The following ISCA1 variants were observed in gnomAD, a reference collection of about 807,000 sequenced individuals.
ISCA1 encodes the protein iron-sulfur cluster assembly 1 homolog, mitochondrial.
A neutral mutation model predicts 14.7 loss-of-function variants in ISCA1; 9 were observed. That is an observed-to-expected ratio of 0.61 (90% confidence interval 0.37 to 1.07). The LOEUF is 1.07. Ranked by LOEUF, ISCA1 falls within the 50% of genes least tolerant of loss-of-function variation. The pLI, the probability that ISCA1 is intolerant of heterozygous loss-of-function variation, is 0.01. For synonymous variants in ISCA1, 38 were observed against 54.3 expected (o/e 0.70, Z 1.32); for missense variants, 102 against 150.1 (o/e 0.68, Z 1.67).
chr9:86,271,724 T>C (rs1825370634), intron 3 of ISCA1, among the ~76,000 whole-genome samples: 1 of 152,210 alleles, frequency 6.6e-6, no homozygotes. Flanking sequence ...AAGAGCAGTC[T>C]CTGGAAAGAA....
Position 86,282,249 on chromosome 9 carries a change from G to C in ISCA1, c.81+129C>G, listed in dbSNP as rs560715891. ...AAGGAGGCGGCGAGGCTGTGCGGCG[G>C]GTCGGAGCGACGCCGAGGTCTGACG... is the stretch of plus-strand genomic sequence containing the variant. On this transcript the variant is annotated intron_variant, in intron 1 of 3. Coordinates refer to ENST00000375991, the MANE Select transcript of ISCA1 (RefSeq NM_030940.4). The C allele has an allele frequency of 6.0e-6, 6 of 999,300 alleles. No homozygotes were observed. In the South Asian group the frequency reaches 1.1e-4, roughly 18 times the overall value. The allele number at this position is 999,300 out of a possible 1,614,324, so 61.9% of individuals were successfully genotyped here. A position where few individuals can be genotyped will look rare whatever the true frequency, so the allele number is the denominator to read the frequency against.
chr9:86,274,852 TG>T, intron 1 of ISCA1, among the ~76,000 whole-genome samples: 1 of 152,130 alleles, frequency 6.6e-6, no homozygotes. Flanking sequence ...GAGATCTAGA[TG>T]AACAAAACTA....
At chr9:86,267,268 T>G in intron 3 of ISCA1, 1 of 795,722 alleles carries the variant, frequency 1.3e-6, no homozygotes, top group Non-Finnish European at 1.5e-6. Context: ...ACTTTCTTCC[T>G]TACAAGAAAT....
intron 1 of ISCA1, among the ~76,000 whole-genome samples, chr9:86,275,381 G>A (rs1317498550): frequency 6.6e-6 from 1 of 152,028 alleles, no homozygotes; most frequent in African/African-American, 2.4e-5. Flanking sequence ...TGGATATTAC[G>A]ACCTAAGACT....
intron 1 of ISCA1, chr9:86,282,123 CA>C (rs1373518684): frequency 1.5e-5 from 8 of 522,254 alleles, no homozygotes; most frequent in Non-Finnish European, 2.7e-5. Context: ...CTCCGGCCCG[CA>C]CGCGGTTGCC....
In ISCA1 at chr9:86,274,165, GAATA is replaced by G. The variant is rs1337889769; in HGVS notation, c.135+20_135+23del. On this transcript the variant is annotated intron_variant, in intron 2 of 3. Transcript: ENST00000375991. ...GAAAATGCAGCTTCAGTTTTTTACT[GAATA>G]ATTAACTGGTTTTACTTACATGCTC... The G allele has an allele frequency of 7.4e-7, 1 of 1,355,348 alleles. No homozygotes were observed. The highest frequency in any genetic ancestry group is 1.1e-6 in the Non-Finnish European group (1 of 947,658). The allele number at this position is 1,355,348 out of a possible 1,614,324, so 84.0% of individuals were successfully genotyped here.
At chr9:86,271,568 G>A (rs565741909) in intron 3 of ISCA1, among the ~76,000 whole-genome samples, 3 of 152,244 alleles carry the variant, frequency 2.0e-5, no homozygotes, top group South Asian at 2.1e-4. Context: ...TGCTCAACTC[G>A]TACTTATTTG....
intron 1 of ISCA1, 34 bp downstream of exon 1, chr9:86,282,344 G>A: frequency 6.5e-6 from 10 of 1,534,686 alleles, no homozygotes; most frequent in Non-Finnish European, 7.9e-6. Flanking sequence ...CACGAGCAAT[G>A]TCACGGGCCC....
In ISCA1 at chr9:86,265,865, A is replaced by G; in HGVS notation, c.*178T>C. ...GATCCAAAAAGAGTGATGGCTTCTC[A>G]TTTTCTGTCCCCTATAGAGAATATA... On this transcript the variant is annotated 3_prime_UTR_variant, in exon 4 of 4. Transcript: ENST00000375991. 3.0e-6 allele frequency: 3 copies of G among 1,008,056 alleles called. No individual in the cohort carries two copies. Among genetic ancestry groups the G allele is most frequent in the Non-Finnish European group, 4.6e-6 (3 of 650,722 alleles). The allele number at this position is 1,008,056 out of a possible 1,614,324, so 62.4% of individuals were successfully genotyped here. A position where few individuals can be genotyped will look rare whatever the true frequency, so the allele number is the denominator to read the frequency against.
chr9:86,269,623 C>T (rs1211713324), intron 3 of ISCA1, among the ~76,000 whole-genome samples: 2 of 151,886 alleles, frequency 1.3e-5, no homozygotes, highest in Non-Finnish European at 2.9e-5. Flanking sequence ...AAAAAAAACC[C>T]GCATCGCCAA....
In ISCA1 at chr9:86,265,892, A is replaced by G. The variant is rs1825286952; in HGVS notation, c.*151T>C. 8.2e-7 allele frequency: 1 copy of G among 1,221,776 alleles called. No individual in the cohort carries two copies. Among genetic ancestry groups the G allele is most frequent in the East Asian group, 2.3e-5 (1 of 43,056 alleles). 75.7% of individuals were successfully genotyped at this position (1,221,776 alleles called of 1,614,324 possible). On this transcript the variant is annotated 3_prime_UTR_variant, in exon 4 of 4. Transcript: ENST00000375991. Reference sequence around the variant, plus strand: ...TTTCTGTCCCCTATAGAGAATATAAATATCATTTCTTCTGGAATCCAACAC... The same window carrying G: ...TTTCTGTCCCCTATAGAGAATATAAGTATCATTTCTTCTGGAATCCAACAC...
At chr9:86,267,216 C>T in intron 3 of ISCA1, 3 of 539,976 alleles carry the variant, frequency 5.6e-6, no homozygotes, top group Non-Finnish European at 7.1e-6. Flanking sequence ...GAGAGCAAGA[C>T]TCTGTCTCAA....
In ISCA1 at chr9:86,264,617, G is replaced by A. The variant is rs979198134; in HGVS notation, c.*1426C>T. On this transcript the variant is annotated 3_prime_UTR_variant, in exon 4 of 4. Transcript: ENST00000375991. ...TCTCTACATACATACAGTGTTGCAC[G>A]AATTATAAGTGGATCAACAATTATA... 6.6e-6 allele frequency: 1 copy of A among 152,374 alleles called. No individual in the cohort carries two copies. The highest frequency in any genetic ancestry group is 1.5e-5 in the Non-Finnish European group (1 of 68,008). 9.4% of individuals were successfully genotyped at this position (152,374 alleles called of 1,614,324 possible).
In ISCA1 at chr9:86,265,983, G is replaced by A. The variant is rs1046818810; in HGVS notation, c.*60C>T. 2 of 1,609,710 alleles carry A rather than the reference G, an allele frequency of 1.2e-6. No homozygotes were observed. Among genetic ancestry groups the A allele is most frequent in the African/African-American group, 1.3e-5 (1 of 74,798 alleles). Reference sequence around the variant, plus strand: ...ACGTGACAGTCACATGATTTCTGCAGTGAGCCCCAAAGCTTCCACGAGCTT... The same window carrying A: ...ACGTGACAGTCACATGATTTCTGCAATGAGCCCCAAAGCTTCCACGAGCTT... On this transcript the variant is annotated 3_prime_UTR_variant, in exon 4 of 4. Transcript: ENST00000375991.
intron 3 of ISCA1, among the ~76,000 whole-genome samples, chr9:86,269,005 A>G (rs1004223328): frequency 2.6e-5 from 4 of 152,042 alleles, no homozygotes; most frequent in African/African-American, 9.7e-5. Context: ...CATGTTGGCC[A>G]GGCTGGTCGT....
chr9:86,271,693 A>G (rs764885719), intron 3 of ISCA1, among the ~76,000 whole-genome samples: 2 of 152,214 alleles, frequency 1.3e-5, no homozygotes, highest in African/African-American at 2.4e-5. Context: ...AGCTTATATA[A>G]TAATTTATCA....
At chr9:86,272,925 C>G (rs1451668939) in intron 2 of ISCA1, among the ~76,000 whole-genome samples, 3 of 151,976 alleles carry the variant, frequency 2.0e-5, no homozygotes, top group African/African-American at 7.2e-5. Flanking sequence ...TATTTTTTTC[C>G]CAAATATTTC....
intron 2 of ISCA1, among the ~76,000 whole-genome samples, chr9:86,272,916 A>AT (rs1564009455): frequency 6.6e-6 from 1 of 152,150 alleles, no homozygotes; most frequent in African/African-American, 2.4e-5. Context: ...GCAACCTTCT[A>AT]TTTTTTTCCC....
intron 1 of ISCA1, among the ~76,000 whole-genome samples, chr9:86,280,048 A>G (rs1021457584): frequency 1.2e-4 from 19 of 152,234 alleles, no homozygotes; most frequent in Admixed American, 1.2e-3. Context: ...GTCAGGCAAC[A>G]TGGATACCTT....
Sources: allele counts gnomAD v4.1 joint callset (sites outside exome capture counted in the v4.1 genomes callset), GRCh38; gene constraint gnomAD v4.1.1; transcripts MANE v1.5; gene names NCBI Gene and HGNC (gene_info 2026-07-23, HGNC 2026-07-21).